The following NR6A1 variants were observed in gnomAD, a reference collection of about 807,000 sequenced individuals.
NR6A1 encodes the protein nuclear receptor subfamily 6 group A member 1, also known as retinoic acid receptor-related testis-associated receptor.
In NR6A1, 7 loss-of-function variants were observed where a neutral mutation model predicts 59.1. The observed-to-expected ratio is 0.12, with a 90% CI of 0.07 to 0.22. The LOEUF is 0.22. Ranked by LOEUF, NR6A1 falls within the 10% of genes least tolerant of loss-of-function variation. NR6A1 has a pLI of 1.00. For synonymous variants in NR6A1, 243 were observed against 236.1 expected, an observed-to-expected ratio of 1.03 and a Z score of -0.27; for missense variants, 468 against 611.6, an observed-to-expected ratio of 0.77 and a Z score of 2.48.
chr9:124,538,089 C>T lies in NR6A1; in HGVS notation c.824+3G>A. On this transcript the variant is annotated splice_donor_region_variant and intron_variant, in intron 6 of 9. Transcript: ENST00000487099. ...GGGGCCAAGAAGGGCGGAGCTCACTCACCCATCTTCAATCAACATGGGCGT... is the reference window on the plus strand; with the variant it reads ...GGGGCCAAGAAGGGCGGAGCTCACTTACCCATCTTCAATCAACATGGGCGT... The T allele has an allele frequency of 1.9e-6, 3 of 1,601,584 alleles. No homozygotes were observed. Among genetic ancestry groups the T allele is most frequent in the Non-Finnish European group, 2.6e-6 (3 of 1,173,350 alleles).
intron 2 of NR6A1, among the ~76,000 whole-genome samples, chr9:124,628,264 G>C (rs1357778513): frequency 6.6e-6 from 1 of 152,184 alleles, no homozygotes; most frequent in East Asian, 1.9e-4. Context: ...CTGACCTCAG[G>C]TGATCCGCCC....
In NR6A1 at chr9:124,554,479, C is replaced by T. The variant is rs77046238; in HGVS notation, c.234G>A (p.Glu78=). The part of the protein sequence containing the change: ...TGLHYGIISC[E]GCKGFFKRSI... ...TCCGCTTGAAAAACCCTTTGCAGCC[C>T]TCACAGGAGATGATCCCATAGTGCA... The change falls in exon 3 of 10, where the codon GAG becomes GAA. Residue 78 remains glutamate, a synonymous_variant. Transcript: ENST00000487099. 391 of 1,614,176 alleles carry T rather than the reference C, an allele frequency of 2.4e-4. No individual in the cohort carries two copies. The African/African-American group carries it at 3.9e-3, about 16-fold the overall frequency.
In NR6A1 at chr9:124,579,651, T is replaced by C. The variant is rs953146199; in HGVS notation, c.143-25081A>G. Among the ~76,000 whole-genome samples the C allele has an allele frequency of 2.6e-5, 4 of 152,112 alleles. No individual in the cohort carries two copies. In the East Asian group the frequency reaches 7.7e-4, roughly 29 times the overall value. The stretch of plus-strand genomic sequence containing the variant: ...AAATGTGGAGCAACTAGAACTCTCA[T>C]ACATGTAGCAAGTGAGAATACAAAA... On this transcript the variant is annotated intron_variant, in intron 2 of 9. Coordinates refer to ENST00000487099, the MANE Select transcript of NR6A1 (RefSeq NM_033334.4).
At chr9:124,672,163 C>T (rs779568090) in intron 2 of NR6A1, among the ~76,000 whole-genome samples, 6 of 152,146 alleles carry the variant, frequency 3.9e-5, no homozygotes, top group Non-Finnish European at 7.4e-5. Flanking sequence ...GTGCAGTATT[C>T]CGTTATATGT....
rs558860545 is a variant in NR6A1 at position 124,756,500 on chromosome 9, A to T, written c.100+14520T>A. Among the ~76,000 whole-genome samples, 161 of 152,324 alleles carry T rather than the reference A, an allele frequency of 1.1e-3. 1 individual carries two copies. Among genetic ancestry groups the T allele is most frequent in the African/African-American group, 3.7e-3 (154 of 41,586 alleles). Reference sequence around the variant, plus strand: ...CAGCAAATATGACTTATGCTTTAATAAAAAAATGTATAGATAGCTGGATTC... The same window carrying T: ...CAGCAAATATGACTTATGCTTTAATTAAAAAATGTATAGATAGCTGGATTC... On this transcript the variant is annotated intron_variant, in intron 1 of 9. Transcript: ENST00000487099.
intron 2 of NR6A1, among the ~76,000 whole-genome samples, chr9:124,630,654 GCAAGTTACTA>G (rs766723078): frequency 1.9e-4 from 28 of 144,636 alleles, no homozygotes; most frequent in Non-Finnish European, 3.3e-4. Flanking sequence ...TGACCCCTGG[GCAAGTTACTA>G]CATTTCTTTT....
At chr9:124,769,983 G>C (rs181968166) in intron 1 of NR6A1, 3 of 152,320 alleles carry the variant, frequency 2.0e-5, no homozygotes, top group East Asian at 1.9e-4. Context: ...CACCCCGCAG[G>C]GGGAGGGAGC....
At chr9:124,558,867 G>A (rs1185451892) in intron 2 of NR6A1, among the ~76,000 whole-genome samples, 1 of 151,968 alleles carries the variant, frequency 6.6e-6, no homozygotes, top group African/African-American at 2.4e-5. Flanking sequence ...AAAAGCCAGG[G>A]CCCCCCTTTG....
At chr9:124,702,215 C>T (rs1008592728) in intron 2 of NR6A1, among the ~76,000 whole-genome samples, 1 of 152,092 alleles carries the variant, frequency 6.6e-6, no homozygotes, top group Admixed American at 6.6e-5. Flanking sequence ...CAAAGATATG[C>T]TTGATACATT....
chr9:124,557,486 A>T (rs563065657), intron 2 of NR6A1, among the ~76,000 whole-genome samples: 2 of 152,302 alleles, frequency 1.3e-5, no homozygotes, highest in East Asian at 3.9e-4. Flanking sequence ...TGTTGTTTGC[A>T]ACACAAACAA....
Sources: allele counts gnomAD v4.1 joint callset (sites outside exome capture counted in the v4.1 genomes callset), GRCh38; gene constraint gnomAD v4.1.1; transcripts MANE v1.5; gene names NCBI Gene and HGNC (gene_info 2026-07-23, HGNC 2026-07-21).